VPS13D: variants seen among roughly 807,000 people sequenced by gnomAD.
The protein encoded by VPS13D is vacuolar protein sorting 13 homolog D.
In VPS13D, 187 loss-of-function variants were observed where a neutral mutation model predicts 461.9. That is an observed-to-expected ratio of 0.40 (90% CI 0.36 to 0.46). The LOEUF (loss-of-function observed/expected upper bound fraction) is 0.46, where lower values mean the gene tolerates loss of function less well. Ranked by LOEUF, VPS13D falls within the 20% of genes least tolerant of loss-of-function variation. The pLI, the probability that VPS13D is intolerant of heterozygous loss-of-function variation, is 0.60. For missense variants in VPS13D, 4,711 were observed against 5,364.9 expected (o/e 0.88, Z 3.81); for synonymous variants, 1,951 against 1,986.3 (o/e 0.98, Z 0.47).
rs886615855 is a variant in VPS13D at position 12,292,435 on chromosome 1, C to CTTT, written c.5853-1069_5853-1067dup. ...ATTGGTCTAGGGCCATGCTCAGTCT[C>CTTT]TTTTTTTTTTTTTTTTTTTTTTGAG... On this transcript the variant is annotated intron_variant, in intron 23 of 69. Coordinates refer to ENST00000620676, the MANE Select transcript of VPS13D (RefSeq NM_015378.4). Among the ~76,000 whole-genome samples the CTTT allele has an allele frequency of 4.8e-3, 462 of 96,864 alleles. 3 individuals carry two copies. Among genetic ancestry groups the CTTT allele is most frequent in the African/African-American group, 6.4e-3 (155 of 24,044 alleles). The allele number at this position is 96,864 out of a possible 152,430, so 63.5% of individuals were successfully genotyped here.
At chr1:12,433,708 G>C (rs920856944) in intron 65 of VPS13D, among the ~76,000 whole-genome samples, 1 of 152,118 alleles carries the variant, frequency 6.6e-6, no homozygotes, top group African/African-American at 2.4e-5. Context: ...GCAGCTTCCC[G>C]GGAGGGCTGG....
intron 18 of VPS13D, among the ~76,000 whole-genome samples, chr1:12,273,485 A>C (rs569353405): frequency 4.9e-4 from 75 of 152,298 alleles, no homozygotes; most frequent in African/African-American, 1.8e-3. Flanking sequence ...TGCAGTTCTC[A>C]CTGCTATTTA....
intron 67 of VPS13D, chr1:12,464,943 G>T (rs1327153594): frequency 6.6e-6 from 1 of 152,236 alleles, no homozygotes; most frequent in Non-Finnish European, 1.5e-5. Flanking sequence ...AAATGGCACA[G>T]ATGCAGCCAC....
At chr1:12,249,366 A>C in intron 6 of VPS13D, 27 bp downstream of exon 6, 2 of 1,576,588 alleles carry the variant, frequency 1.3e-6, no homozygotes, top group Non-Finnish European at 1.7e-6. Context: ...ATGACAAAGC[A>C]GGAAGAAAGC....
chr1:12,290,441 T>C (rs1269422760), intron 22 of VPS13D, among the ~76,000 whole-genome samples: 2 of 152,062 alleles, frequency 1.3e-5, no homozygotes, highest in Non-Finnish European at 2.9e-5. Context: ...TATGTAATGT[T>C]GCCGGGCGCG....
intron 6 of VPS13D, 91 bp from the exon 7 acceptor site, chr1:12,253,631 C>T (rs1640813618): frequency 3.9e-6 from 4 of 1,018,646 alleles, no homozygotes; most frequent in Non-Finnish European, 6.1e-6. Flanking sequence ...AAGTACCTGA[C>T]ACATGATTCT....
At chr1:12,286,279 T>C (rs1391605420) in intron 21 of VPS13D, among the ~76,000 whole-genome samples, 4 of 152,180 alleles carry the variant, frequency 2.6e-5, no homozygotes, top group Admixed American at 2.6e-4. Flanking sequence ...GGTTTCACCA[T>C]GTTGCCCAGG....
At position 12,369,682 on chromosome 1, in the gene VPS13D, T is replaced by G; in HGVS notation, c.10788T>G (p.Ala3596=). The G allele has an allele frequency of 6.2e-7, 1 of 1,614,136 alleles. No homozygotes were observed. Among genetic ancestry groups the G allele is most frequent in the Non-Finnish European group, 8.5e-7 (1 of 1,179,954 alleles). The part of the protein sequence containing the change: ...QLYYENFIYI[A]ATYTFSGLQE... Reference sequence around the variant, plus strand: ...ATTATGAAAATTTCATTTACATTGCTGCTACATATACATTCTCTGGGTAAT... The same window carrying G: ...ATTATGAAAATTTCATTTACATTGCGGCTACATATACATTCTCTGGGTAAT... The change falls in exon 54 of 70, where the codon GCT becomes GCG. Residue 3596 remains alanine, a synonymous_variant. Transcript: ENST00000620676.
intron 46 of VPS13D, among the ~76,000 whole-genome samples, chr1:12,351,085 C>G (rs1209139659): frequency 6.6e-6 from 1 of 152,164 alleles, no homozygotes; most frequent in Non-Finnish European, 1.5e-5. Flanking sequence ...GCCCATATAA[C>G]ATTACTAGTG....
chr1:12,297,540 C>T (rs867241341), intron 24 of VPS13D, among the ~76,000 whole-genome samples: 1 of 152,148 alleles, frequency 6.6e-6, no homozygotes, highest in Non-Finnish European at 1.5e-5. Context: ...CTATTCTTCC[C>T]TTGACTCAGT....
At chr1:12,450,586 G>C (rs553612145) in intron 65 of VPS13D, among the ~76,000 whole-genome samples, 1 of 152,276 alleles carries the variant, frequency 6.6e-6, no homozygotes, top group Admixed American at 6.5e-5. Flanking sequence ...TCGCAGTGCT[G>C]GGCACTAGGG....
chr1:12,283,425 G>C lies in VPS13D; in HGVS notation c.5323G>C (p.Val1775Leu). ...SPTVDEPKIL[V>L]GKSKFDDSLV... Reference sequence around the variant, plus strand: ...AACAGTGGATGAGCCCAAGATACTTGTTGGAAAGAGTAAATTTGATGATTC... The same window carrying C: ...AACAGTGGATGAGCCCAAGATACTTCTTGGAAAGAGTAAATTTGATGATTC... Residue 1775 changes from valine to leucine, a missense_variant, in exon 21 of 70, where the codon GTT becomes CTT. Val to Leu is a conservative substitution (Grantham distance 32). Coordinates refer to ENST00000620676, the MANE Select transcript of VPS13D (RefSeq NM_015378.4). 6.2e-7 allele frequency: 1 copy of C among 1,614,200 alleles called. No individual in the cohort carries two copies. The highest frequency in any genetic ancestry group is 8.5e-7 in the Non-Finnish European group (1 of 1,180,030).
chr1:12,380,503 C>A (rs1277350134), intron 57 of VPS13D, among the ~76,000 whole-genome samples: 1 of 152,208 alleles, frequency 6.6e-6, no homozygotes, highest in Non-Finnish European at 1.5e-5. Context: ...TGATAAACTC[C>A]CAGCTACTTT....
intron 41 of VPS13D, 24 bp downstream of exon 41, chr1:12,341,909 C>T (rs377241557): frequency 1.2e-6 from 2 of 1,609,444 alleles, no homozygotes; most frequent in Admixed American, 1.7e-5. Flanking sequence ...TTATATTACC[C>T]CGAGTCATCT....
intron 44 of VPS13D, among the ~76,000 whole-genome samples, chr1:12,347,248 G>A (rs1297057397): frequency 6.6e-6 from 1 of 151,834 alleles, no homozygotes; most frequent in Non-Finnish European, 1.5e-5. Context: ...TCAGCTCACT[G>A]CAACATCCGC....
chr1:12,341,110 T>G (rs1472544410), intron 40 of VPS13D, among the ~76,000 whole-genome samples: 1 of 152,210 alleles, frequency 6.6e-6, no homozygotes, highest in African/African-American at 2.4e-5. Flanking sequence ...ATTCCCTGAT[T>G]AGAAGCTTTT....
At position 12,349,332 on chromosome 1, in the gene VPS13D, G is replaced by C; in HGVS notation, c.9389G>C (p.Arg3130Pro). ...ACTGCAGAAATTAGTAGCAGTAAAC[G>C]AGAGTGCCACTCTATGGACACAGAA... ...VKTAEISSSK[R>P]ECHSMDTEKS... Residue 3130 changes from arginine to proline, a missense_variant, in exon 46 of 70, where the codon CGA becomes CCA. Arg to Pro is a moderately radical substitution (Grantham distance 103). Transcript: ENST00000620676. 2.5e-6 allele frequency: 4 copies of C among 1,614,138 alleles called. No individual in the cohort carries two copies. Among genetic ancestry groups the C allele is most frequent in the Non-Finnish European group, 3.4e-6 (4 of 1,180,042 alleles).
chr1:12,337,511 C>T (rs915756295), intron 39 of VPS13D: 5 of 152,180 alleles, frequency 3.3e-5, no homozygotes, highest in African/African-American at 1.2e-4. Flanking sequence ...AAGGGACCTG[C>T]TGCTTTCTCA....
chr1:12,256,017 C>A (rs937342062), intron 7 of VPS13D, among the ~76,000 whole-genome samples: 1 of 151,770 alleles, frequency 6.6e-6, no homozygotes, highest in Non-Finnish European at 1.5e-5. Flanking sequence ...AGATAACATA[C>A]CAACATGTAA....
Sources: gnomAD v4.1 joint callset for allele counts (sites outside exome capture counted in the v4.1 genomes callset) on GRCh38, gnomAD v4.1.1 for gene constraint, MANE v1.5 for transcripts, NCBI Gene and HGNC (gene_info 2026-07-23, HGNC 2026-07-21) for gene names.